LRRC31: variants seen among roughly 807,000 people sequenced by gnomAD.
LRRC31 encodes leucine rich repeat containing 31, also known as leucine-rich repeat-containing protein 31.
A neutral mutation model predicts 46.7 loss-of-function variants in LRRC31; 35 were observed. The observed-to-expected ratio is 0.75, with a 90% CI of 0.57 to 0.99. LRRC31 has a LOEUF of 0.99. Among genes scored for constraint, LRRC31 ranks in the 50% least tolerant of loss-of-function variants. LRRC31 has a pLI of 0.00. For missense variants in LRRC31, 613 were observed against 626.1 expected, an observed-to-expected ratio of 0.98 and a Z score of 0.22; for synonymous variants, 236 against 235.1, an observed-to-expected ratio of 1.00 and a Z score of -0.03.
intron 8 of LRRC31, among the ~76,000 whole-genome samples, chr3:169,845,766 G>GA (rs1411220372): frequency 2.0e-5 from 3 of 152,026 alleles, no homozygotes; most frequent in African/African-American, 7.2e-5. Context: ...CAAAAATATG[G>GA]AAAAAATCTT....
In LRRC31 at chr3:169,861,750, T is replaced by A. The variant is rs1237623213; in HGVS notation, c.239A>T (p.Gln80Leu). The A allele has an allele frequency of 1.2e-6, 2 of 1,614,200 alleles. No homozygotes were observed. Among genetic ancestry groups the A allele is most frequent in the East Asian group, 4.5e-5 (2 of 44,888 alleles). Reference protein sequence around the residue: ...SSMEKNEHFLQKLGKKAVNKC... With the variant: ...SSMEKNEHFLLKLGKKAVNKC... ...GTTGACAGCCTTTTTGCCCAGCTTCTGCAGGAAATGCTCATTTTTCTCCAT... is the reference window on the plus strand; with the variant it reads ...GTTGACAGCCTTTTTGCCCAGCTTCAGCAGGAAATGCTCATTTTTCTCCAT... The change falls in exon 2 of 9, where the codon CAG becomes CTG. Residue 80 changes from glutamine to leucine, a missense_variant. By Grantham distance (113) the Gln-to-Leu change is moderately radical. Coordinates refer to ENST00000316428, the MANE Select transcript of LRRC31 (RefSeq NM_024727.4).
chr3:169,851,544 A>C, intron 7 of LRRC31, 75 bp downstream of exon 7: 4 of 1,434,152 alleles, frequency 2.8e-6, no homozygotes, highest in Non-Finnish European at 3.8e-6. Context: ...GAGCCTTGGA[A>C]TGAAATGCAG....
At chr3:169,853,514 A>G (rs1780852204) in intron 6 of LRRC31, 8 of 985,726 alleles carry the variant, frequency 8.1e-6, no homozygotes, top group Non-Finnish European at 8.4e-6. Flanking sequence ...GAGCAAAATG[A>G]GATGTGGTAT....
chr3:169,847,488 T>G (rs1465240044), intron 8 of LRRC31, among the ~76,000 whole-genome samples: 1 of 152,236 alleles, frequency 6.6e-6, no homozygotes, highest in Non-Finnish European at 1.5e-5. Context: ...CCCAGACACA[T>G]AAAATGATTT....
At chr3:169,856,592 C>G in intron 4 of LRRC31, 89 bp from the exon 5 acceptor site, 1 of 1,347,072 alleles carries the variant, frequency 7.4e-7, no homozygotes. Context: ...TAAAACTCCA[C>G]TCCCCTCCTA....
At chr3:169,857,788 G>A (rs1330631141) in intron 3 of LRRC31, among the ~76,000 whole-genome samples, 1 of 152,080 alleles carries the variant, frequency 6.6e-6, no homozygotes, top group South Asian at 2.1e-4. Context: ...CCCTGGGTTT[G>A]AACTTCTACC....
intron 1 of LRRC31, among the ~76,000 whole-genome samples, chr3:169,869,258 C>G (rs1241410255): frequency 1.3e-5 from 2 of 151,780 alleles, no homozygotes; most frequent in African/African-American, 2.4e-5. Context: ...GTAATCCCAG[C>G]TACTCGGGAG....
chr3:169,862,611 A>C (rs1467170409), intron 1 of LRRC31, among the ~76,000 whole-genome samples: 1 of 152,062 alleles, frequency 6.6e-6, no homozygotes, highest in Non-Finnish European at 1.5e-5. Flanking sequence ...AATACAAAAA[A>C]TTAGCCGGGC....
chr3:169,847,599 G>T (rs979434789), intron 8 of LRRC31, among the ~76,000 whole-genome samples: 1 of 152,194 alleles, frequency 6.6e-6, no homozygotes, highest in Admixed American at 6.5e-5. Flanking sequence ...GGGTCAGATT[G>T]TTACTACAGT....
intron 6 of LRRC31, among the ~76,000 whole-genome samples, 185 bp downstream of exon 6, chr3:169,854,628 T>C (rs1164653043): frequency 6.6e-6 from 1 of 152,226 alleles, no homozygotes; most frequent in Non-Finnish European, 1.5e-5. Context: ...TGAGATTCAC[T>C]AACATTTACT....
intron 7 of LRRC31, among the ~76,000 whole-genome samples, chr3:169,849,667 C>G (rs1780699981): frequency 6.6e-6 from 1 of 152,160 alleles, no homozygotes; most frequent in South Asian, 2.1e-4. Flanking sequence ...CAAGACCCTC[C>G]CAAAGTACTG....
In LRRC31 at chr3:169,851,703, G is replaced by C. The variant is rs752236992; in HGVS notation, c.1075C>G (p.Leu359Val). The C allele has an allele frequency of 6.2e-7, 1 of 1,614,142 alleles. No individual in the cohort carries two copies. Among genetic ancestry groups the C allele is most frequent in the South Asian group, 1.1e-5 (1 of 91,088 alleles). ...KKMGSSSENL[L>V]SRLRFLPALK... ...GCTGGTAAAAATCGGAGCCTGCTGA[G>C]TAAGTTTTCAGAAGAACTGCCCATC... The change falls in exon 7 of 9, where the codon CTC (leucine) becomes GTC (valine). Residue 359 changes from leucine (L) to valine (V), a missense_variant. Physicochemically the swap from Leu to Val is conservative, Grantham distance 32. Coordinates refer to ENST00000316428, the MANE Select transcript of LRRC31 (RefSeq NM_024727.4).
chr3:169,856,904 T>C (rs1356594795), intron 3 of LRRC31, 32 bp from the exon 4 acceptor site: 3 of 1,578,798 alleles, frequency 1.9e-6, no homozygotes, highest in Non-Finnish European at 1.7e-6. Context: ...ATTCTGTTGG[T>C]CACTAGTCAG....
intron 8 of LRRC31, among the ~76,000 whole-genome samples, chr3:169,845,779 A>G (rs1780585770): frequency 6.6e-6 from 1 of 152,190 alleles, no homozygotes; most frequent in Admixed American, 6.5e-5. Flanking sequence ...AAAATCTTTG[A>G]GAACTTAGAT....
intron 6 of LRRC31, among the ~76,000 whole-genome samples, chr3:169,852,352 G>C (rs1399175628): frequency 7.0e-6 from 1 of 143,622 alleles, no homozygotes; most frequent in East Asian, 2.0e-4. Flanking sequence ...GCAGTGAGCC[G>C]AGATTGCGCC....
intron 1 of LRRC31, among the ~76,000 whole-genome samples, chr3:169,863,886 A>T (rs1920117): frequency 0.05 from 7,613 of 152,270 alleles, 292 homozygotes; most frequent in Non-Finnish European, 0.077. Flanking sequence ...CAAGTACAGG[A>T]CATTTTGTCT....
Position 169,845,629 on chromosome 3 carries a change from G to A in LRRC31, c.1327+2491C>T, listed in dbSNP as rs1245744662. Among the ~76,000 whole-genome samples the A allele has an allele frequency of 2.0e-5, 3 of 152,160 alleles. No homozygotes were observed. In the East Asian group the frequency reaches 5.8e-4, roughly 29 times the overall value. On this transcript the variant is annotated intron_variant, in intron 8 of 8. Coordinates refer to ENST00000316428, the MANE Select transcript of LRRC31 (RefSeq NM_024727.4). ...GAATGGATAGTCTTTTCAGTTAATG[G>A]CACTCAAATAATTGGACAGTAATAT...
chr3:169,869,571 T>G, intron 1 of LRRC31, 62 bp downstream of exon 1: 1 of 1,429,486 alleles, frequency 7.0e-7, no homozygotes, highest in Non-Finnish European at 9.4e-7. Context: ...AAAAATATTT[T>G]AAATGTGGAA....
intron 3 of LRRC31, among the ~76,000 whole-genome samples, chr3:169,859,646 C>A (rs2108221543): frequency 6.6e-6 from 1 of 152,310 alleles, no homozygotes; most frequent in Non-Finnish European, 1.5e-5. Flanking sequence ...ATGAAACTAA[C>A]TTAATGGAGG....
Sources: allele counts gnomAD v4.1 joint callset (sites outside exome capture counted in the v4.1 genomes callset), GRCh38; gene constraint gnomAD v4.1.1; transcripts MANE v1.5; gene names NCBI Gene and HGNC (gene_info 2026-07-23, HGNC 2026-07-21).